The following HDAC9 variants were observed in gnomAD, a reference collection of about 807,000 sequenced individuals.
HDAC9 encodes histone deacetylase 9.
HDAC9 carries 41 observed loss-of-function variants against 139.4 expected under a neutral mutation model. The observed-to-expected ratio is 0.29, with a 90% CI of 0.23 to 0.38. The LOEUF (loss-of-function observed/expected upper bound fraction) is 0.38, where lower values mean the gene tolerates loss of function less well. Among genes scored for constraint, HDAC9 ranks in the 10% least tolerant of loss-of-function variants. HDAC9 has a pLI of 1.00. For synonymous variants in HDAC9, 517 were observed against 476.2 expected (o/e 1.09, Z -1.12); for missense variants, 1,147 against 1,297.0 (o/e 0.88, Z 1.78).
chr7:18,556,071 C>A (rs1331050847), intron 2 of HDAC9, among the ~76,000 whole-genome samples: 1 of 151,722 alleles, frequency 6.6e-6, no homozygotes, highest in Non-Finnish European at 1.5e-5. Context: ...AATATATCAT[C>A]AAAAATTCTG....
At chr7:18,234,099 G>A (rs1004940492) in intron 2 of HDAC9, among the ~76,000 whole-genome samples, 47 of 152,294 alleles carry the variant, frequency 3.1e-4, no homozygotes, top group Non-Finnish European at 4.6e-4. Context: ...GTTAGATTAC[G>A]TAGTTGTGTG....
At chr7:18,523,671 A>G (rs963215265) in intron 2 of HDAC9, among the ~76,000 whole-genome samples, 4 of 152,184 alleles carry the variant, frequency 2.6e-5, no homozygotes, top group Admixed American at 1.3e-4. Context: ...AATGTACATA[A>G]TTATGTAATT....
chr7:18,749,946 C>G (rs550373527), intron 14 of HDAC9, among the ~76,000 whole-genome samples: 1 of 152,196 alleles, frequency 6.6e-6, no homozygotes, highest in African/African-American at 2.4e-5. Context: ...TTTACTGGGT[C>G]TCTGTTAGGT....
At chr7:18,223,091 T>C (rs530854499) in intron 2 of HDAC9, among the ~76,000 whole-genome samples, 1 of 152,228 alleles carries the variant, frequency 6.6e-6, no homozygotes, top group African/African-American at 2.4e-5. Context: ...TGATTATTAG[T>C]GTAGTTGAGA....
At chr7:18,932,673 T>C (rs1205024304) in intron 22 of HDAC9, among the ~76,000 whole-genome samples, 1 of 151,756 alleles carries the variant, frequency 6.6e-6, no homozygotes, top group Non-Finnish European at 1.5e-5. Flanking sequence ...AGAGAATAAA[T>C]AGGAGAAAAG....
At chr7:18,531,057 A>G (rs1371390243) in intron 2 of HDAC9, among the ~76,000 whole-genome samples, 1 of 151,982 alleles carries the variant, frequency 6.6e-6, no homozygotes, top group East Asian at 1.9e-4. Context: ...TTCTTGCTTT[A>G]TTCACTTTCA....
At chr7:18,287,894 G>A (rs1797561019), upstream of HDAC9, among the ~76,000 whole-genome samples, 1 of 152,208 alleles carries the variant, frequency 6.6e-6, no homozygotes, top group South Asian at 2.1e-4. Flanking sequence ...CCCGGAAGTT[G>A]TGTCCTGCAT....
chr7:18,738,981 C>G (rs747751454), intron 13 of HDAC9, among the ~76,000 whole-genome samples: 3 of 152,058 alleles, frequency 2.0e-5, no homozygotes, highest in Non-Finnish European at 4.4e-5. Flanking sequence ...TTTTCTCTAA[C>G]CTTGTCTTCT....
intron 19 of HDAC9, among the ~76,000 whole-genome samples, chr7:18,832,742 T>A (rs868489546): frequency 0.013 from 1,987 of 152,032 alleles, 53 homozygotes; most frequent in African/African-American, 0.046. Context: ...TATATATATT[T>A]TTTTTTTCTT....
chr7:18,383,308 G>T lies in HDAC9; in HGVS notation c.-42+92793G>T, dbSNP rs553682736. On this transcript the variant is annotated intron_variant, in intron 1 of 3. Transcript: ENST00000413509. ...CCTTCTTTCCCCATATTGTTACCAT[G>T]GTAGACATTCACTAGTAATTGATGT... Among the ~76,000 whole-genome samples, 15 of 152,288 alleles carry T rather than the reference G, an allele frequency of 9.8e-5. No homozygotes were observed. The East Asian group carries it at 2.7e-3, about 27-fold the overall frequency.
At chr7:18,395,564 C>A (rs1208477291) in intron 1 of HDAC9, among the ~76,000 whole-genome samples, 2 of 151,424 alleles carry the variant, frequency 1.3e-5, no homozygotes, top group Non-Finnish European at 2.9e-5. Flanking sequence ...TAGATACCTC[C>A]CCACTCTTAT....
chr7:18,357,190 A>G (rs1227118878), intron 1 of HDAC9, among the ~76,000 whole-genome samples: 2 of 152,084 alleles, frequency 1.3e-5, no homozygotes, highest in African/African-American at 4.8e-5. Flanking sequence ...CCCCCTCACT[A>G]TGTCTTATTG....
At chr7:18,159,304 T>C (rs968412002) in intron 1 of HDAC9, among the ~76,000 whole-genome samples, 1 of 152,208 alleles carries the variant, frequency 6.6e-6, no homozygotes, top group Admixed American at 6.6e-5. Flanking sequence ...GCGAGTTTCC[T>C]ATTATTTCTA....
At chr7:18,511,499 C>T (rs761585190) in intron 2 of HDAC9, among the ~76,000 whole-genome samples, 3 of 151,934 alleles carry the variant, frequency 2.0e-5, no homozygotes, top group Non-Finnish European at 2.9e-5. Context: ...TGGGAGGCTG[C>T]GGTGGGAGGA....
intron 1 of HDAC9, among the ~76,000 whole-genome samples, chr7:18,356,363 T>TTTTTG (rs1585338927): frequency 7.3e-6 from 1 of 137,884 alleles, no homozygotes; most frequent in South Asian, 2.4e-4. Context: ...CATAGGTTTT[T>TTTTTG]TTTTTTTTTT....
At chr7:18,590,095 A>G (rs571515362) in intron 3 of HDAC9, among the ~76,000 whole-genome samples, 3 of 152,312 alleles carry the variant, frequency 2.0e-5, no homozygotes, top group African/African-American at 7.2e-5. Context: ...TGAATTTAAC[A>G]GTTAGTTTTG....
intron 23 of HDAC9, 46 bp from the exon 24 acceptor site, chr7:18,954,100 T>C (rs1312954506): frequency 8.4e-6 from 11 of 1,313,504 alleles, no homozygotes; most frequent in Non-Finnish European, 1.1e-5. Flanking sequence ...AGACTTACTA[T>C]AAAGTCATAA....
At chr7:18,104,998 C>G (rs1783106716) in intron 1 of HDAC9, among the ~76,000 whole-genome samples, 1 of 151,646 alleles carries the variant, frequency 6.6e-6, no homozygotes, top group Non-Finnish European at 1.5e-5. Context: ...CAATAGAATT[C>G]TAACCAATAT....
intron 2 of HDAC9, among the ~76,000 whole-genome samples, chr7:18,540,487 A>C (rs1244886434): frequency 6.6e-6 from 1 of 152,162 alleles, no homozygotes; most frequent in Non-Finnish European, 1.5e-5. Flanking sequence ...TGTGTTCTAG[A>C]TGTTAAAAGA....
Sources: allele counts gnomAD v4.1 joint callset (sites outside exome capture counted in the v4.1 genomes callset), GRCh38; gene constraint gnomAD v4.1.1; transcripts MANE v1.5; gene names NCBI Gene and HGNC (gene_info 2026-07-23, HGNC 2026-07-21).